EYS: variants seen among roughly 807,000 people sequenced by gnomAD.
EYS encodes protein eyes shut homolog.
A neutral mutation model predicts 282.1 loss-of-function variants in EYS; 250 were observed. The observed-to-expected ratio is 0.89, with a 90% CI of 0.80 to 0.98. The LOEUF (loss-of-function observed/expected upper bound fraction) is 0.98, where lower values mean the gene tolerates loss of function less well. EYS is among the 50% of genes least tolerant of loss of function. The pLI is 0.00. For synonymous variants in EYS, 1,355 were observed against 1,282.9 expected, an observed-to-expected ratio of 1.06 and a Z score of -1.20; for missense variants, 4,016 against 3,709.0, an observed-to-expected ratio of 1.08 and a Z score of -2.15.
chr6:64,139,416 A>C (rs117792200), intron 31 of EYS, among the ~76,000 whole-genome samples: 4,278 of 152,266 alleles, frequency 0.028, 64 homozygotes, highest in Non-Finnish European at 0.045. Flanking sequence ...CATGTTCAGC[A>C]GGTGGAGTTA....
chr6:65,293,852 C>A (rs537498461), intron 12 of EYS, among the ~76,000 whole-genome samples: 1 of 151,798 alleles, frequency 6.6e-6, no homozygotes, highest in Non-Finnish European at 1.5e-5. Flanking sequence ...AAGGCTAATA[C>A]TTCCAAAAAT....
chr6:65,438,524 T>G (rs1768175948), intron 5 of EYS, among the ~76,000 whole-genome samples: 1 of 152,156 alleles, frequency 6.6e-6, no homozygotes, highest in Non-Finnish European at 1.5e-5. Context: ...ACCTGTTGTT[T>G]CCTGACTTTT....
intron 8 of EYS, among the ~76,000 whole-genome samples, chr6:65,369,479 A>G (rs908318987): frequency 1.3e-4 from 20 of 150,968 alleles, no homozygotes; most frequent in African/African-American, 4.8e-4. Flanking sequence ...AGATTTCCCA[A>G]TCTGGAATCT....
chr6:64,901,723 G>T (rs532626263), intron 18 of EYS, among the ~76,000 whole-genome samples: 1 of 152,082 alleles, frequency 6.6e-6, no homozygotes, highest in African/African-American at 2.4e-5. Flanking sequence ...AATGATAAAT[G>T]TTGGTATATA....
At chr6:65,567,327 C>T (rs567640017) in intron 2 of EYS, among the ~76,000 whole-genome samples, 1 of 149,998 alleles carries the variant, frequency 6.7e-6, no homozygotes, top group East Asian at 1.9e-4. Context: ...CCTGTTCTAA[C>T]AGATACATTT....
At chr6:64,254,469 A>T (rs1010919289) in intron 30 of EYS, among the ~76,000 whole-genome samples, 6 of 151,988 alleles carry the variant, frequency 3.9e-5, no homozygotes, top group Admixed American at 1.3e-4. Flanking sequence ...ATTTTAGACT[A>T]TTTGGCCCAA....
chr6:64,626,673 T>A (rs1176327475), intron 22 of EYS, among the ~76,000 whole-genome samples: 1 of 152,170 alleles, frequency 6.6e-6, no homozygotes, highest in Non-Finnish European at 1.5e-5. Flanking sequence ...AGAGGAAAGA[T>A]AAGATTTTTT....
At chr6:65,638,453 G>A (rs998285675) in intron 2 of EYS, among the ~76,000 whole-genome samples, 14 of 152,196 alleles carry the variant, frequency 9.2e-5, no homozygotes, top group Non-Finnish European at 1.9e-4. Flanking sequence ...GAGCTGAAGA[G>A]GCCCTTTGGG....
At chr6:63,982,166 A>C (rs1459657554) in intron 35 of EYS, among the ~76,000 whole-genome samples, 1 of 151,842 alleles carries the variant, frequency 6.6e-6, no homozygotes, top group East Asian at 1.9e-4. Context: ...TATTTCTCTG[A>C]GTTGGTAATG....
intron 22 of EYS, among the ~76,000 whole-genome samples, chr6:64,755,525 C>A (rs1772908059): frequency 6.6e-6 from 1 of 151,642 alleles, no homozygotes; most frequent in Non-Finnish European, 1.5e-5. Flanking sequence ...CACACACACA[C>A]ACACACACAC....
intron 36 of EYS, among the ~76,000 whole-genome samples, chr6:63,844,892 T>A (rs561707404): frequency 6.6e-6 from 1 of 152,202 alleles, no homozygotes; most frequent in Non-Finnish European, 1.5e-5. Context: ...TTTTTGCTTT[T>A]GTTGCAATTG....
At chr6:63,742,449 C>G (rs1448260676) in intron 41 of EYS, among the ~76,000 whole-genome samples, 1 of 152,174 alleles carries the variant, frequency 6.6e-6, no homozygotes, top group Non-Finnish European at 1.5e-5. Flanking sequence ...TCCTGTTTCA[C>G]AGCCAATGTC....
intron 2 of EYS, among the ~76,000 whole-genome samples, chr6:65,592,205 A>T (rs1582493838): frequency 6.6e-6 from 1 of 152,034 alleles, no homozygotes; most frequent in Non-Finnish European, 1.5e-5. Flanking sequence ...ATAACTTTAA[A>T]AAAAGCCTTT....
intron 19 of EYS, among the ~76,000 whole-genome samples, chr6:64,879,440 T>C (rs1021205662): frequency 2.0e-5 from 3 of 148,340 alleles, no homozygotes; most frequent in Non-Finnish European, 3.0e-5. Context: ...AAATAGCACA[T>C]ACACGCAGAA....
chr6:65,540,658 C>A (rs933038283), intron 2 of EYS, among the ~76,000 whole-genome samples: 2 of 152,152 alleles, frequency 1.3e-5, no homozygotes, highest in African/African-American at 4.8e-5. Context: ...GTGGCTCACG[C>A]CTGTAATCCC....
chr6:64,317,686 A>C (rs1770029343), intron 29 of EYS, among the ~76,000 whole-genome samples: 1 of 152,036 alleles, frequency 6.6e-6, no homozygotes. Flanking sequence ...TGGGTATGTA[A>C]CCAAGGGATT....
intron 22 of EYS, among the ~76,000 whole-genome samples, chr6:64,654,139 CAG>C (rs1320293370): frequency 6.6e-6 from 1 of 152,004 alleles, no homozygotes; most frequent in Admixed American, 6.6e-5. Flanking sequence ...ATATTAGAAA[CAG>C]ACATTATTGG....
At chr6:64,396,478 T>C (rs1773381517) in intron 28 of EYS, among the ~76,000 whole-genome samples, 1 of 152,142 alleles carries the variant, frequency 6.6e-6, no homozygotes, top group Admixed American at 6.6e-5. Context: ...TTATACCAAT[T>C]GATCAATCTT....
chr6:64,316,733 C>A (rs1480905200), intron 29 of EYS, among the ~76,000 whole-genome samples: 1 of 152,038 alleles, frequency 6.6e-6, no homozygotes, highest in African/African-American at 2.4e-5. Flanking sequence ...CATATCAAAC[C>A]AAAAAAGATC....
Sources: gnomAD v4.1 joint callset for allele counts (sites outside exome capture counted in the v4.1 genomes callset) on GRCh38, gnomAD v4.1.1 for gene constraint, MANE v1.5 for transcripts, NCBI Gene and HGNC (gene_info 2026-07-23, HGNC 2026-07-21) for gene names.